MAGI2: variants seen among roughly 807,000 people sequenced by gnomAD.
The protein encoded by MAGI2 is membrane associated guanylate kinase, WW and PDZ domain containing 2.
A neutral mutation model predicts 133.3 loss-of-function variants in MAGI2; 35 were observed. The observed-to-expected ratio is 0.26, with a 90% CI of 0.20 to 0.35. The LOEUF (loss-of-function observed/expected upper bound fraction) is 0.35, where lower values mean the gene tolerates loss of function less well. MAGI2 is among the 10% of genes least tolerant of loss of function. The pLI is 1.00. For synonymous variants in MAGI2, 729 were observed against 710.6 expected (o/e 1.03, Z -0.41); for missense variants, 1,636 against 1,863.4 (o/e 0.88, Z 2.25).
chr7:78,160,029 A>G lies in MAGI2; in HGVS notation c.2841T>C (p.Thr947=). ...CAGGCAAATTTCAGCACTTACTTAT[A>G]GTGGATCCAGACTCAGGCCTGTTCA... ...SSLNRPESGS[T]ITVPHKIGRI... is the part of the protein sequence containing the mutation. The change falls in exon 16 of 22, where the codon ACT becomes ACC. Residue 947 remains threonine, a synonymous_variant. Transcript: ENST00000354212. The G allele has an allele frequency of 1.7e-5, 26 of 1,561,564 alleles. No homozygotes were observed. Among genetic ancestry groups the G allele is most frequent in the Non-Finnish European group, 2.2e-5 (25 of 1,151,194 alleles).
chr7:78,903,702 TACC>T (rs2151598448), intron 2 of MAGI2, among the ~76,000 whole-genome samples: 1 of 152,218 alleles, frequency 6.6e-6, no homozygotes, highest in East Asian at 1.9e-4. Context: ...AGAATTTTTT[TACC>T]ACCTCTCTTT....
At chr7:78,833,286 C>A (rs368797387) in intron 2 of MAGI2, among the ~76,000 whole-genome samples, 5 of 152,224 alleles carry the variant, frequency 3.3e-5, no homozygotes, top group South Asian at 4.1e-4. Context: ...TACTTCATCC[C>A]CATGTGACCA....
At chr7:78,861,146 G>T (rs764221254) in intron 2 of MAGI2, among the ~76,000 whole-genome samples, 2 of 152,140 alleles carry the variant, frequency 1.3e-5, no homozygotes, top group South Asian at 2.1e-4. Flanking sequence ...ATCTGTGAAG[G>T]CTTCCCTTTG....
At chr7:79,149,007 G>A (rs1822925416) in intron 1 of MAGI2, among the ~76,000 whole-genome samples, 1 of 144,014 alleles carries the variant, frequency 6.9e-6, no homozygotes, top group African/African-American at 2.5e-5. Flanking sequence ...GTGCTCCAAT[G>A]TTATTTTTAA....
chr7:78,582,722 A>T (rs1802963644), intron 3 of MAGI2, among the ~76,000 whole-genome samples: 1 of 152,222 alleles, frequency 6.6e-6, no homozygotes, highest in African/African-American at 2.4e-5. Flanking sequence ...ATTTCAGGAC[A>T]CATTTGTTAC....
chr7:78,708,366 A>G (rs747876108), intron 2 of MAGI2, among the ~76,000 whole-genome samples: 2 of 152,196 alleles, frequency 1.3e-5, no homozygotes, highest in African/African-American at 2.4e-5. Context: ...TAGGTTGCCA[A>G]TAAAATTCTC....
intron 3 of MAGI2, among the ~76,000 whole-genome samples, chr7:78,612,654 A>G (rs114668665): frequency 0.012 from 1,762 of 152,110 alleles, 35 homozygotes; most frequent in African/African-American, 0.04. Context: ...ATAAAAGAGG[A>G]AAATCACATT....
intron 2 of MAGI2, among the ~76,000 whole-genome samples, chr7:78,756,209 A>C (rs954250199): frequency 6.6e-6 from 1 of 152,208 alleles, no homozygotes; most frequent in African/African-American, 2.4e-5. Context: ...GTCAGGCAGG[A>C]GATCAGAGCT....
At chr7:79,154,270 A>G (rs1823546775) in intron 1 of MAGI2, among the ~76,000 whole-genome samples, 1 of 152,242 alleles carries the variant, frequency 6.6e-6, no homozygotes, top group Non-Finnish European at 1.5e-5. Context: ...TGATTCAAGA[A>G]GTCTTGCCTT....
In MAGI2 at chr7:78,098,850, G is replaced by T. The variant is rs574631259; in HGVS notation, c.3568-19765C>A. On this transcript the variant is annotated intron_variant, in intron 20 of 21. Transcript: ENST00000354212. ...CTTTAATTTGCATTTTCCTGATACGGAGTATGTTTTCAGATATTTATTAGC... is the reference window on the plus strand; with the variant it reads ...CTTTAATTTGCATTTTCCTGATACGTAGTATGTTTTCAGATATTTATTAGC... Among the ~76,000 whole-genome samples the T allele has an allele frequency of 5.3e-5, 8 of 152,250 alleles. No homozygotes were observed. The South Asian group carries it at 1.7e-3, about 32-fold the overall frequency.
intron 2 of MAGI2, among the ~76,000 whole-genome samples, chr7:78,710,439 A>AT (rs1819071314): frequency 6.6e-6 from 1 of 152,170 alleles, no homozygotes; most frequent in African/African-American, 2.4e-5. Context: ...AACCCCATCA[A>AT]AGAATGTGAC....
At chr7:78,841,837 C>T (rs1003332392) in intron 2 of MAGI2, among the ~76,000 whole-genome samples, 1 of 151,896 alleles carries the variant, frequency 6.6e-6, no homozygotes, top group Non-Finnish European at 1.5e-5. Flanking sequence ...TAGGTCACAG[C>T]TTAAACATGA....
chr7:79,195,741 A>C (rs1320627256), intron 1 of MAGI2, among the ~76,000 whole-genome samples: 1 of 151,938 alleles, frequency 6.6e-6, no homozygotes, highest in African/African-American at 2.4e-5. Context: ...GTCATATTAA[A>C]GTAATATCTG....
chr7:78,713,863 G>C (rs1390824), intron 2 of MAGI2, among the ~76,000 whole-genome samples: 55,682 of 151,808 alleles, frequency 0.37, 10,463 homozygotes, highest in Middle Eastern at 0.44. Context: ...TTTGTTTTTA[G>C]CAACCATCCT....
At position 78,019,510 on chromosome 7, in the gene MAGI2, G is replaced by A; in HGVS notation, c.4173C>T (p.Gly1391=). ...EGPGAAPAFA[G]PGGGGSGALE... is the part of the protein sequence containing the mutation. The stretch of plus-strand genomic sequence containing the variant: ...GCGCGCCGCTGCCGCCGCCGCCCGG[G>A]CCGGCAAACGCCGGCGCAGCCCCCG... The change falls in exon 22 of 22, where the codon GGC becomes GGT. Residue 1391 remains glycine (G), a synonymous_variant. Coordinates refer to ENST00000354212, the MANE Select transcript of MAGI2 (RefSeq NM_012301.4). 3 of 980,288 alleles carry A rather than the reference G, an allele frequency of 3.1e-6. No individual in the cohort carries two copies. Among genetic ancestry groups the A allele is most frequent in the Non-Finnish European group, 3.6e-6 (3 of 828,196 alleles). 60.7% of individuals were successfully genotyped at this position (980,288 alleles called of 1,614,324 possible).
intron 1 of MAGI2, among the ~76,000 whole-genome samples, chr7:79,331,518 G>A (rs1216503723): frequency 6.6e-6 from 1 of 152,110 alleles, no homozygotes; most frequent in Non-Finnish European, 1.5e-5. Flanking sequence ...CCCACACATT[G>A]ACTATTACAT....
chr7:78,607,457 A>G (rs1805942253), intron 3 of MAGI2, among the ~76,000 whole-genome samples: 1 of 151,446 alleles, frequency 6.6e-6, no homozygotes. Flanking sequence ...TTGTATGGAA[A>G]CAGAACCACA....
intron 1 of MAGI2, chr7:79,125,813 G>A (rs990111555): frequency 3.9e-6 from 2 of 507,562 alleles, no homozygotes; most frequent in Admixed American, 4.0e-5. Context: ...GTGGCAGAAG[G>A]TTTTAATTCC....
chr7:79,170,486 A>G (rs1486381828), intron 1 of MAGI2, among the ~76,000 whole-genome samples: 3 of 151,984 alleles, frequency 2.0e-5, no homozygotes, highest in Admixed American at 2.0e-4. Context: ...AAAATACTAT[A>G]AAGTATTGAA....
Sources: gnomAD v4.1 joint callset for allele counts (sites outside exome capture counted in the v4.1 genomes callset) on GRCh38, gnomAD v4.1.1 for gene constraint, MANE v1.5 for transcripts, NCBI Gene and HGNC (gene_info 2026-07-23, HGNC 2026-07-21) for gene names.